Variants in FREM3 observed in about 807,000 individuals in gnomAD.
FREM3 encodes FRAS1 related extracellular matrix 3, also known as FRAS1-related extracellular matrix protein 3.
A neutral mutation model predicts 129.1 loss-of-function variants in FREM3; 105 were observed. The observed-to-expected ratio is 0.81, with a 90% CI of 0.69 to 0.96. The LOEUF is 0.96. FREM3 is among the 40% of genes least tolerant of loss of function. FREM3 has a pLI of 0.00. For synonymous variants in FREM3, 1,014 were observed against 1,044.9 expected (o/e 0.97, Z 0.57); for missense variants, 2,593 against 2,666.3 (o/e 0.97, Z 0.61).
rs1388566896 is a variant in FREM3, at chr4:143,700,635, T to A, written c.41A>T (p.Gln14Leu). Reference protein sequence around the residue: ...ASRHPTGTPRQLLVALACLLL... With the variant: ...ASRHPTGTPRLLLVALACLLL... The stretch of plus-strand genomic sequence containing the variant: ...CAGGCAGGCGAGCGCCACAAGGAGC[T>A]GCCGGGGCGTCCCAGTCGGGTGCCG... Residue 14 changes from glutamine to leucine, a missense_variant, in exon 1 of 8, where the codon CAG becomes CTG. Coordinates refer to ENST00000329798, the MANE Select transcript of FREM3 (RefSeq NM_001168235.2). 7 of 1,438,370 alleles carry A rather than the reference T, an allele frequency of 4.9e-6. No individual in the cohort carries two copies. In the Admixed American group the frequency reaches 1.9e-4, roughly 39 times the overall value. The allele number at this position is 1,438,370 out of a possible 1,614,324, so 89.1% of individuals were successfully genotyped here. A position where few individuals can be genotyped will look rare whatever the true frequency, so the allele number is the denominator to read the frequency against.
chr4:143,700,448 G>A lies in FREM3; in HGVS notation c.228C>T (p.Ser76=), dbSNP rs990930828. ...NPGLRVPLGR[S]LWLDPLRDLV... is the part of the protein sequence containing the mutation. ...GATCCCGGAGCGGGTCGAGCCAAAG[G>A]GAACGACCCAGGGGCACCCGGAGTC... Residue 76 remains serine (S), a synonymous_variant, in exon 1 of 8, where the codon TCC becomes TCT. Coordinates refer to ENST00000329798, the MANE Select transcript of FREM3 (RefSeq NM_001168235.2). 2 of 1,524,906 alleles carry A rather than the reference G, an allele frequency of 1.3e-6. No individual in the cohort carries two copies. The highest frequency in any genetic ancestry group is 1.8e-6 in the Non-Finnish European group (2 of 1,140,276). 94.5% of individuals were successfully genotyped at this position (1,524,906 alleles called of 1,614,324 possible). A position where few individuals can be genotyped will look rare whatever the true frequency, so the allele number is the denominator to read the frequency against.
chr4:143,604,864 A>C (rs1249451681), intron 6 of FREM3, among the ~76,000 whole-genome samples: 1 of 152,196 alleles, frequency 6.6e-6, no homozygotes, highest in Non-Finnish European at 1.5e-5. Context: ...TGACTTGCTC[A>C]GATAAGTATG....
intron 3 of FREM3, among the ~76,000 whole-genome samples, chr4:143,626,501 T>C (rs1269347643): frequency 3.3e-5 from 5 of 152,142 alleles, no homozygotes; most frequent in Admixed American, 3.3e-4. Flanking sequence ...TGGGTCAGGA[T>C]ACAAATATCC....
At chr4:143,661,236 T>G (rs1190918953) in intron 2 of FREM3, among the ~76,000 whole-genome samples, 2 of 152,232 alleles carry the variant, frequency 1.3e-5, no homozygotes, top group Non-Finnish European at 2.9e-5. Flanking sequence ...TAGATAGCTC[T>G]TATTATTTTG....
rs1318206865 is a variant in FREM3, at chr4:143,696,949, G to T, written c.3727C>A (p.Gln1243Lys). 2 of 1,537,564 alleles carry T rather than the reference G, an allele frequency of 1.3e-6. No homozygotes were observed. Among genetic ancestry groups the T allele is most frequent in the African/African-American group, 2.7e-5 (2 of 73,022 alleles). ...TALPRHGRII[Q>K]QLATGSQPIH... is the part of the protein sequence containing the mutation. ...GGCTGGCTGCCTGTAGCCAGCTGCT[G>T]TATGATTCGTCCATGCCGAGGGAGG... The change falls in exon 1 of 8, where the codon CAG (glutamine) becomes AAG (lysine). Residue 1243 changes from glutamine (Q) to lysine (K), a missense_variant. Gln to Lys is a moderately conservative substitution (Grantham distance 53). Coordinates refer to ENST00000329798, the MANE Select transcript of FREM3 (RefSeq NM_001168235.2).
intron 2 of FREM3, among the ~76,000 whole-genome samples, chr4:143,628,474 C>T (rs1329080839): frequency 1.3e-5 from 2 of 152,030 alleles, no homozygotes; most frequent in Non-Finnish European, 2.9e-5. Flanking sequence ...TACAAATAAT[C>T]ACCCGTGAAA....
chr4:143,664,238 G>T (rs1262140865), intron 2 of FREM3, among the ~76,000 whole-genome samples: 1 of 152,086 alleles, frequency 6.6e-6, no homozygotes, highest in Non-Finnish European at 1.5e-5. Flanking sequence ...GGTCATTGAT[G>T]ATGGTGATGC....
intron 2 of FREM3, among the ~76,000 whole-genome samples, chr4:143,675,813 C>T (rs1242114421): frequency 6.6e-6 from 1 of 152,220 alleles, no homozygotes; most frequent in African/African-American, 2.4e-5. Context: ...AATTCCTCCA[C>T]ACGTACACCC....
intron 2 of FREM3, among the ~76,000 whole-genome samples, chr4:143,686,226 A>C (rs529860062): frequency 6.6e-6 from 1 of 152,334 alleles, no homozygotes; most frequent in Non-Finnish European, 1.5e-5. Context: ...AGAAGCGACA[A>C]AGAGAGACAT....
intron 5 of FREM3, among the ~76,000 whole-genome samples, chr4:143,614,976 G>A (rs551680838): frequency 2.6e-5 from 4 of 152,144 alleles, no homozygotes; most frequent in Non-Finnish European, 5.9e-5. Flanking sequence ...CTGGCAGCCT[G>A]AGAATTTGTG....
chr4:143,689,917 T>A (rs571039784), intron 2 of FREM3, among the ~76,000 whole-genome samples: 1 of 151,308 alleles, frequency 6.6e-6, no homozygotes, highest in African/African-American at 2.4e-5. Flanking sequence ...TAGTATATAC[T>A]GCTCGGGTGA....
intron 2 of FREM3, among the ~76,000 whole-genome samples, chr4:143,628,385 A>G (rs1165925672): frequency 6.6e-6 from 1 of 152,116 alleles, no homozygotes; most frequent in African/African-American, 2.4e-5. Context: ...TGAAAGATCA[A>G]CCCAGCCCCT....
chr4:143,590,011 C>T (rs151135297), intron 6 of FREM3, among the ~76,000 whole-genome samples: 129,962 of 151,586 alleles, frequency 0.86, 55,746 homozygotes, highest in Admixed American at 0.9. Context: ...CAATTGTGAA[C>T]GGGAGTTCAC....
chr4:143,621,308 A>G, intron 4 of FREM3, 146 bp from the exon 5 acceptor site: 1 of 797,906 alleles, frequency 1.3e-6, no homozygotes, highest in Admixed American at 2.9e-5. Flanking sequence ...AATGGGAAGC[A>G]TTATTTATTA....
intron 6 of FREM3, among the ~76,000 whole-genome samples, chr4:143,610,122 G>A (rs546058107): frequency 6.6e-6 from 1 of 152,238 alleles, no homozygotes; most frequent in African/African-American, 2.4e-5. Flanking sequence ...CTTATTCTTA[G>A]CTCTTGATAC....
intron 2 of FREM3, among the ~76,000 whole-genome samples, chr4:143,647,230 A>G (rs1170814861): frequency 7.7e-6 from 1 of 130,460 alleles, no homozygotes; most frequent in Non-Finnish European, 1.7e-5. Flanking sequence ...GATATGATTT[A>G]AGATGTCTGG....
intron 1 of FREM3, among the ~76,000 whole-genome samples, 174 bp downstream of exon 1, chr4:143,695,317 G>A (rs1202442323): frequency 6.6e-6 from 1 of 152,194 alleles, no homozygotes; most frequent in Non-Finnish European, 1.5e-5. Flanking sequence ...TGAAATTGAT[G>A]AAAAAGGACT....
chr4:143,611,287 C>G lies in FREM3; in HGVS notation c.6020G>C (p.Arg2007Pro). ...PTTKVTILADRYDEPVLHFGD... is the reference protein window; with the variant it reads ...PTTKVTILADPYDEPVLHFGD... ...GCAACAAATGGACTTACCATCATAACGATCAGCCAGAATAGTCACCTTAGT... is the reference window on the plus strand; with the variant it reads ...GCAACAAATGGACTTACCATCATAAGGATCAGCCAGAATAGTCACCTTAGT... Residue 2007 changes from arginine (R) to proline (P), a missense_variant, in exon 6 of 8, where the codon CGT becomes CCT. Physicochemically the swap from Arg to Pro is moderately radical, Grantham distance 103. Transcript: ENST00000329798. 6.5e-7 allele frequency: 1 copy of G among 1,536,154 alleles called. No individual in the cohort carries two copies. Among genetic ancestry groups the G allele is most frequent in the Non-Finnish European group, 8.7e-7 (1 of 1,146,156 alleles).
At chr4:143,592,378 C>A (rs769348746) in intron 6 of FREM3, among the ~76,000 whole-genome samples, 1 of 151,256 alleles carries the variant, frequency 6.6e-6, no homozygotes, top group East Asian at 1.9e-4. Flanking sequence ...GTGGCTGGTA[C>A]TGGTTGTTCC....
Sources: allele counts gnomAD v4.1 joint callset (sites outside exome capture counted in the v4.1 genomes callset), GRCh38; gene constraint gnomAD v4.1.1; transcripts MANE v1.5; gene names NCBI Gene and HGNC (gene_info 2026-07-23, HGNC 2026-07-21).